MGAT4C: variants seen among roughly 807,000 people sequenced by gnomAD.
MGAT4C encodes alpha-1,3-mannosyl-glycoprotein 4-beta-N-acetylglucosaminyltransferase C.
MGAT4C carries 19 observed loss-of-function variants against 40.1 expected under a neutral mutation model. That is an observed-to-expected ratio of 0.47 (90% confidence interval 0.33 to 0.70). MGAT4C has a LOEUF of 0.70. MGAT4C is among the 30% of genes least tolerant of loss of function. The probability of loss-of-function intolerance (pLI) is 0.02; values close to 1 mark genes in which losing one functional copy is unlikely to be tolerated. For synonymous variants in MGAT4C, 181 were observed against 187.1 expected, an observed-to-expected ratio of 0.97 and a Z score of 0.27; for missense variants, 491 against 563.2, an observed-to-expected ratio of 0.87 and a Z score of 1.30.
chr12:86,242,462 C>T (rs1463750), intron 1 of MGAT4C, among the ~76,000 whole-genome samples: 135,882 of 152,148 alleles, frequency 0.89, 60,893 homozygotes, highest in East Asian at 1. Context: ...TGAATAGGCA[C>T]GGACCCTTAA....
chr12:86,469,960 A>T (rs1262868700), intron 2 of MGAT4C, among the ~76,000 whole-genome samples: 1 of 152,104 alleles, frequency 6.6e-6, no homozygotes, highest in East Asian at 1.9e-4. Flanking sequence ...TTCACTTAGC[A>T]TAATATCCTT....
intron 2 of MGAT4C, among the ~76,000 whole-genome samples, chr12:86,623,548 A>C (rs191157406): frequency 1.3e-5 from 2 of 152,194 alleles, no homozygotes; most frequent in African/African-American, 4.8e-5. Context: ...AAGAACTGAC[A>C]GAAAACTACT....
intron 2 of MGAT4C, among the ~76,000 whole-genome samples, chr12:86,704,033 T>A (rs1474009429): frequency 1.3e-5 from 2 of 152,250 alleles, no homozygotes; most frequent in East Asian, 3.9e-4. Context: ...ACAGTATGAC[T>A]TTTATAGCAA....
intron 2 of MGAT4C, among the ~76,000 whole-genome samples, chr12:86,638,705 C>G (rs1963293506): frequency 6.6e-6 from 1 of 151,754 alleles, no homozygotes; most frequent in Admixed American, 6.6e-5. Flanking sequence ...TACAAGAAAT[C>G]TGACTATAGA....
intron 2 of MGAT4C, among the ~76,000 whole-genome samples, chr12:86,702,162 T>A (rs1950374200): frequency 6.6e-6 from 1 of 151,534 alleles, no homozygotes; most frequent in African/African-American, 2.4e-5. Context: ...CTCAAGTAGC[T>A]AGCTGAGTCT....
intron 2 of MGAT4C, among the ~76,000 whole-genome samples, chr12:86,598,643 A>G (rs1961636316): frequency 6.6e-6 from 1 of 152,114 alleles, no homozygotes; most frequent in South Asian, 2.1e-4. Context: ...AACAATTATC[A>G]TATAAGCTCA....
intron 2 of MGAT4C, among the ~76,000 whole-genome samples, chr12:86,471,471 A>G (rs971618637): frequency 1.3e-5 from 2 of 152,072 alleles, no homozygotes; most frequent in Non-Finnish European, 2.9e-5. Flanking sequence ...GAAAAAATAC[A>G]AAAATATAAA....
chr12:86,032,016 A>G lies in MGAT4C; in HGVS notation c.-7+17658T>C, dbSNP rs368079745. ...CCACTTACAAGTGAGAACAGGTAGT[A>G]TTTGGTTTTCTGCTCTTGTGTTAGT... On this transcript the variant is annotated intron_variant, in intron 2 of 4. Coordinates refer to ENST00000611864, the MANE Select transcript of MGAT4C (RefSeq NM_001351288.2). Among the ~76,000 whole-genome samples, 9 of 151,952 alleles carry G rather than the reference A, an allele frequency of 5.9e-5. No individual in the cohort carries two copies. The East Asian group carries it at 1.5e-3, about 26-fold the overall frequency.
In MGAT4C at chr12:86,414,071, T is replaced by A. The variant is rs752738720; in HGVS notation, c.-120+21086A>T. On this transcript the variant is annotated intron_variant, in intron 3 of 7. Transcript: ENST00000548651. ...TCCAGAAAAATGCTTACAGCAAGTTTTTTTTTTCTGCAAGTACATGAAAAG... is the reference window on the plus strand; with the variant it reads ...TCCAGAAAAATGCTTACAGCAAGTTATTTTTTTCTGCAAGTACATGAAAAG... Among the ~76,000 whole-genome samples the A allele has an allele frequency of 5.6e-4, 86 of 152,238 alleles. 1 individual carries two copies. Among genetic ancestry groups the A allele is most frequent in the Admixed American group, 1.4e-3 (21 of 15,274 alleles).
chr12:86,623,547 C>G (rs1431344986), intron 2 of MGAT4C, among the ~76,000 whole-genome samples: 4 of 151,966 alleles, frequency 2.6e-5, no homozygotes, highest in Admixed American at 2.0e-4. Context: ...AAAGAACTGA[C>G]AGAAAACTAC....
At chr12:86,376,848 G>C (rs989032929) in intron 3 of MGAT4C, among the ~76,000 whole-genome samples, 6 of 62,666 alleles carry the variant, frequency 9.6e-5, no homozygotes, top group Admixed American at 4.1e-4. Context: ...GAGAGACAGA[G>C]AGAGAGAGAG....
At chr12:86,065,579 TATGACAAACTGGCAGTCA>T (rs1215643501) in intron 1 of MGAT4C, among the ~76,000 whole-genome samples, 1 of 152,142 alleles carries the variant, frequency 6.6e-6, no homozygotes, top group Non-Finnish European at 1.5e-5. Flanking sequence ...AGGAGCTATT[TATGACAAACTGGCAGTCA>T]ATATTATACT....
At chr12:86,616,819 A>G (rs1656760559) in intron 2 of MGAT4C, among the ~76,000 whole-genome samples, 1 of 152,060 alleles carries the variant, frequency 6.6e-6, no homozygotes, top group Non-Finnish European at 1.5e-5. Flanking sequence ...GTATCCACAT[A>G]TCTATCAATC....
intron 2 of MGAT4C, among the ~76,000 whole-genome samples, chr12:86,532,223 T>C (rs746498907): frequency 6.6e-6 from 1 of 151,994 alleles, no homozygotes; most frequent in Non-Finnish European, 1.5e-5. Flanking sequence ...GATTGTACTA[T>C]TATTAGACAA....
At chr12:86,785,386 G>A (rs576986025) in intron 1 of MGAT4C, among the ~76,000 whole-genome samples, 1 of 152,012 alleles carries the variant, frequency 6.6e-6, no homozygotes, top group South Asian at 2.1e-4. Context: ...CACAATTAAA[G>A]TATAAGCACA....
chr12:86,203,100 T>C (rs1950110536), intron 1 of MGAT4C, among the ~76,000 whole-genome samples: 1 of 151,918 alleles, frequency 6.6e-6, no homozygotes, highest in African/African-American at 2.4e-5. Context: ...ACATGGTCAA[T>C]GTTATCTTAA....
At chr12:85,999,583 G>GTATATATATATATATATATATA (rs67914292) in intron 2 of MGAT4C, among the ~76,000 whole-genome samples, 1 of 122,966 alleles carries the variant, frequency 8.1e-6, no homozygotes, top group African/African-American at 2.9e-5. Context: ...GTGTGTGTGT[G>GTATATATATATATATATATATA]TATATATATA....
At chr12:86,659,073 T>G (rs1963918940) in intron 2 of MGAT4C, among the ~76,000 whole-genome samples, 1 of 152,132 alleles carries the variant, frequency 6.6e-6, no homozygotes, top group Non-Finnish European at 1.5e-5. Flanking sequence ...ATTTGGGGTT[T>G]GATTGTTATA....
intron 1 of MGAT4C, among the ~76,000 whole-genome samples, chr12:86,205,868 ATTTC>A (rs1950230790): frequency 6.6e-6 from 1 of 151,814 alleles, no homozygotes; most frequent in South Asian, 2.1e-4. Flanking sequence ...GTTTTTAGTT[ATTTC>A]AGTTTCTGAC....
Sources: gnomAD v4.1 joint callset for allele counts (sites outside exome capture counted in the v4.1 genomes callset) on GRCh38, gnomAD v4.1.1 for gene constraint, MANE v1.5 for transcripts, NCBI Gene and HGNC (gene_info 2026-07-23, HGNC 2026-07-21) for gene names.